LHPP: variants seen among roughly 807,000 people sequenced by gnomAD.
The protein encoded by LHPP is hLHPP.
Under a neutral mutation model 30.3 loss-of-function variants are expected in LHPP, and 24 were observed. The observed-to-expected ratio is 0.79, with a 90% confidence interval of 0.57 to 1.11. LHPP has a LOEUF of 1.11. Ranked by LOEUF, LHPP falls within the 50% of genes most tolerant of loss-of-function variation. The pLI is 0.00. For missense variants in LHPP, 356 were observed against 367.2 expected (o/e 0.97, Z 0.25); for synonymous variants, 150 against 157.1 (o/e 0.95, Z 0.34).
At chr10:124,575,816 A>C (rs1472087984) in intron 6 of LHPP, among the ~76,000 whole-genome samples, 1 of 152,068 alleles carries the variant, frequency 6.6e-6, no homozygotes, top group Non-Finnish European at 1.5e-5. Flanking sequence ...TGACCCCCAA[A>C]GGCATTGTGC....
At chr10:124,597,296 A>G (rs1461062014) in intron 6 of LHPP, among the ~76,000 whole-genome samples, 1 of 152,070 alleles carries the variant, frequency 6.6e-6, no homozygotes, top group Non-Finnish European at 1.5e-5. Flanking sequence ...CATGGATCCT[A>G]TGAGTCTTTT....
At chr10:124,561,869 A>G (rs979285127) in intron 6 of LHPP, among the ~76,000 whole-genome samples, 1 of 152,232 alleles carries the variant, frequency 6.6e-6, no homozygotes, top group South Asian at 2.1e-4. Flanking sequence ...CAACATGAAT[A>G]AGAAGAGAAG....
At chr10:124,600,400 C>T (rs1949006049) in intron 6 of LHPP, among the ~76,000 whole-genome samples, 1 of 152,260 alleles carries the variant, frequency 6.6e-6, no homozygotes, top group South Asian at 2.1e-4. Context: ...CCTCTTAGGG[C>T]TCAGCTTCAC....
intron 5 of LHPP, among the ~76,000 whole-genome samples, chr10:124,514,125 G>A (rs1391478235): frequency 6.6e-6 from 1 of 152,194 alleles, no homozygotes; most frequent in African/African-American, 2.4e-5. Context: ...CTATGACACG[G>A]GTGGCACCAG....
Position 124,479,666 on chromosome 10 carries a change from C to T in LHPP, c.126-4473C>T, listed in dbSNP as rs373660534. The stretch of plus-strand genomic sequence containing the variant: ...CTCTTTGTGCATTCATGAGGGTGCT[C>T]TCTGGTGTCTCTTCCTCCTAGGACA... On this transcript the variant is annotated intron_variant, in intron 1 of 6. Coordinates refer to ENST00000368842, the MANE Select transcript of LHPP (RefSeq NM_022126.4). Among the ~76,000 whole-genome samples, 25 of 152,316 alleles carry T rather than the reference C, an allele frequency of 1.6e-4. No individual in the cohort carries two copies. The East Asian group carries it at 2.1e-3, about 13-fold the overall frequency.
chr10:124,567,513 T>C (rs1464874377), intron 6 of LHPP, among the ~76,000 whole-genome samples: 1 of 152,218 alleles, frequency 6.6e-6, no homozygotes, highest in Non-Finnish European at 1.5e-5. Flanking sequence ...CAATGTTTAA[T>C]AGATAGTAAC....
intron 6 of LHPP, among the ~76,000 whole-genome samples, chr10:124,531,540 G>A (rs1423257970): frequency 3.9e-5 from 6 of 152,208 alleles, no homozygotes; most frequent in Admixed American, 2.0e-4. Context: ...TCTGGACTCC[G>A]TCCTGGAGCA....
intron 6 of LHPP, among the ~76,000 whole-genome samples, chr10:124,555,575 T>C (rs1948283959): frequency 6.6e-6 from 1 of 152,130 alleles, no homozygotes; most frequent in African/African-American, 2.4e-5. Context: ...TGGGGGACCT[T>C]GCTCTGCAGA....
At position 124,478,735 on chromosome 10, in the gene LHPP, A is replaced by G. The variant is rs1359513262; in HGVS notation, c.126-5404A>G. Among the ~76,000 whole-genome samples, 1 of 152,072 alleles carries G rather than the reference A, an allele frequency of 6.6e-6. No individual in the cohort carries two copies. The highest frequency in any genetic ancestry group is 6.6e-5 in the Admixed American group (1 of 15,258). On this transcript the variant is annotated intron_variant, in intron 1 of 6. Coordinates refer to ENST00000368842, the MANE Select transcript of LHPP (RefSeq NM_022126.4). This position sits in a 1 kb window ranked among gnomAD's most constrained non-coding sequence, Gnocchi z 4.7. ...CAGAGGCTCGTCCTGGCCTGCTGAG[A>G]TGAGGTAAAGGTCAGTTCAAAGATC... is the stretch of plus-strand genomic sequence containing the variant.
At position 124,489,468 on chromosome 10, in the gene LHPP, T is replaced by A. The variant is rs577341115; in HGVS notation, c.467+893T>A. 1.2e-4 allele frequency among the ~76,000 whole-genome samples: 19 copies of A among 152,224 alleles called. No individual in the cohort carries two copies. In the South Asian group the frequency reaches 1.5e-3, roughly 12 times the overall value. On this transcript the variant is annotated intron_variant, in intron 3 of 6. Transcript: ENST00000368842. Reference sequence around the variant, plus strand: ...GTGGCTATCTTGTATATATATATATTTTTTAAGACTGAGTCTCGCTCTGTC... The same window carrying A: ...GTGGCTATCTTGTATATATATATATATTTTAAGACTGAGTCTCGCTCTGTC...
At chr10:124,462,106 C>T (rs1320840836) in intron 1 of LHPP, 119 bp downstream of exon 1, 3 of 961,816 alleles carry the variant, frequency 3.1e-6, no homozygotes, top group African/African-American at 1.7e-5. Context: ...CCGCCTCGGT[C>T]TCCCCCTTCC....
intron 3 of LHPP, among the ~76,000 whole-genome samples, chr10:124,488,778 C>T (rs1423894846): frequency 1.3e-5 from 2 of 152,110 alleles, no homozygotes; most frequent in African/African-American, 4.8e-5. Flanking sequence ...AATAGGAACA[C>T]TGTCTTCAGG....
At chr10:124,539,581 C>CA (rs1955124775) in intron 6 of LHPP, among the ~76,000 whole-genome samples, 1 of 152,068 alleles carries the variant, frequency 6.6e-6, no homozygotes. Context: ...ACTAAAAATA[C>CA]AAAAATTAGC....
rs73365832 is a variant in LHPP at position 124,496,042 on chromosome 10, G to A, written c.468-919G>A. 6.6e-6 allele frequency among the ~76,000 whole-genome samples: 1 copy of A among 152,056 alleles called. No individual in the cohort carries two copies. The highest frequency in any genetic ancestry group is 6.5e-5 in the Admixed American group (1 of 15,280). ...GTGCTTTCTCCACGTCTCCCATATC[G>A]TAAGGGCATGGCAGGAGGAGAGGGA... is the stretch of plus-strand genomic sequence containing the variant. On this transcript the variant is annotated intron_variant, in intron 3 of 6. Coordinates refer to ENST00000368842, the MANE Select transcript of LHPP (RefSeq NM_022126.4). This position sits in a 1 kb window ranked among gnomAD's most constrained non-coding sequence, Gnocchi z 4.3.
chr10:124,574,536 G>C (rs1323389637), intron 6 of LHPP, among the ~76,000 whole-genome samples: 2 of 152,194 alleles, frequency 1.3e-5, no homozygotes, highest in Non-Finnish European at 2.9e-5. Flanking sequence ...CCTGGAGCCT[G>C]CTCCCAGGGC....
chr10:124,524,979 A>C (rs1003771906), intron 6 of LHPP, among the ~76,000 whole-genome samples: 1 of 152,242 alleles, frequency 6.6e-6, no homozygotes, highest in Non-Finnish European at 1.5e-5. Context: ...TTAGGAGGCT[A>C]TCAGCTCCCC....
intron 1 of LHPP, among the ~76,000 whole-genome samples, chr10:124,466,029 G>A (rs1023360323): frequency 6.6e-6 from 1 of 152,128 alleles, no homozygotes; most frequent in Non-Finnish European, 1.5e-5. Flanking sequence ...ACCAGTGGTT[G>A]CGCTTCTGAG....
intron 5 of LHPP, among the ~76,000 whole-genome samples, chr10:124,499,111 C>A (rs1363880369): frequency 6.6e-6 from 1 of 151,726 alleles, no homozygotes; most frequent in Non-Finnish European, 1.5e-5. Flanking sequence ...AATTCCTGAC[C>A]TCAGGTTATC....
In LHPP at chr10:124,612,252, C is replaced by CA. The variant is rs773053584; in HGVS notation, c.717-1005dup. Among the ~76,000 whole-genome samples the CA allele has an allele frequency of 8.5e-4, 130 of 152,066 alleles. 1 individual carries two copies. The highest frequency in any genetic ancestry group is 6.2e-4 in the South Asian group (3 of 4,820). On this transcript the variant is annotated intron_variant, in intron 6 of 6. Coordinates refer to ENST00000368842, the MANE Select transcript of LHPP (RefSeq NM_022126.4). ...AACCCTATCTCTACACTAAAAAATA[C>CA]AAAAAAAGCCGGGCGTGGTGGCGGG...
Sources: allele counts gnomAD v4.1 joint callset (sites outside exome capture counted in the v4.1 genomes callset), GRCh38; gene constraint gnomAD v4.1.1; non-coding constraint Gnocchi (gnomAD v3.1); transcripts MANE v1.5; gene names NCBI Gene and HGNC (gene_info 2026-07-23, HGNC 2026-07-21).